OTOG: variants seen among roughly 807,000 people sequenced by gnomAD.
OTOG encodes the protein otogelin.
In OTOG, 296 loss-of-function variants were observed where a neutral mutation model predicts 313.8. That is an observed-to-expected ratio of 0.94 (90% CI 0.86 to 1.04). OTOG has a LOEUF of 1.04. OTOG is among the 50% of genes least tolerant of loss of function. OTOG has a pLI of 0.00. For missense variants in OTOG, 3,948 were observed against 3,840.1 expected (o/e 1.03, Z -0.74); for synonymous variants, 1,533 against 1,554.9 (o/e 0.99, Z 0.33).
intron 12 of OTOG, 78 bp downstream of exon 12, chr11:17,559,740 A>G: frequency 9.0e-7 from 1 of 1,106,028 alleles, no homozygotes; most frequent in Non-Finnish European, 1.2e-6. Flanking sequence ...GGAGTTCAGA[A>G]GATACCTGTT....
chr11:17,631,390 G>GTGT lies in OTOG; in HGVS notation c.6713-312_6713-311insTGT, dbSNP rs72182478. Among the ~76,000 whole-genome samples the GTGT allele has an allele frequency of 0.029, 3,054 of 106,514 alleles. 138 individuals are homozygous for GTGT. The highest frequency in any genetic ancestry group is 0.11 in the African/African-American group (2,863 of 26,336). The allele number at this position is 106,514 out of a possible 152,430, so 69.9% of individuals were successfully genotyped here. On this transcript the variant is annotated intron_variant, in intron 40 of 55. Coordinates refer to ENST00000399397, the MANE Select transcript of OTOG (RefSeq NM_001292063.2). ...TCTCTCTCTCTCTCTGTGTGTGTGT[G>GTGT]GGGGGGGGTATACATTTTTATATGC...
intron 11 of OTOG, 22 bp from the exon 12 acceptor site, chr11:17,559,512 C>T: frequency 6.4e-7 from 1 of 1,550,490 alleles, no homozygotes; most frequent in Non-Finnish European, 8.7e-7. Context: ...AGCTGAGAGA[C>T]CATGGATCCC....
At chr11:17,548,755 T>C (rs1851868041) in intron 3 of OTOG, among the ~76,000 whole-genome samples, 1 of 152,106 alleles carries the variant, frequency 6.6e-6, no homozygotes, top group Non-Finnish European at 1.5e-5. Context: ...TCTTGCTCTG[T>C]GACACAGGCT....
At chr11:17,616,986 G>A (rs1052374370) in intron 39 of OTOG, among the ~76,000 whole-genome samples, 1 of 152,178 alleles carries the variant, frequency 6.6e-6, no homozygotes, top group South Asian at 2.1e-4. Flanking sequence ...TTAGTTGTAG[G>A]CTTTTCACAG....
At position 17,561,627 on chromosome 11, in the gene OTOG, C is replaced by A. The variant is rs1201266755; in HGVS notation, c.1499-35C>A. 2.6e-6 allele frequency: 4 copies of A among 1,549,978 alleles called. No individual in the cohort carries two copies. The Admixed American group carries it at 7.8e-5, about 30-fold the overall frequency. ...GCAGGGCAGAGTTCCCCTGGGGCGG[C>A]TCCCATGGGTCAGTGGCCTTTTTCT... is the stretch of plus-strand genomic sequence containing the variant. On this transcript the variant is annotated intron_variant, in intron 14 of 55. Coordinates refer to ENST00000399397, the MANE Select transcript of OTOG (RefSeq NM_001292063.2).
rs1369045393 is a variant in OTOG at position 17,641,950 on chromosome 11, T to C, written c.8294T>C (p.Leu2765Ser). The C allele has an allele frequency of 3.9e-6, 6 of 1,549,816 alleles. No homozygotes were observed. Among genetic ancestry groups the C allele is most frequent in the Non-Finnish European group, 5.2e-6 (6 of 1,146,632 alleles). ...CCCAATGGCACCACCTCCCTGTTCT[T>C]GGTAAGCAGCCCCCTCGCTGCCCAC... Reference protein sequence around the residue: ...TFPNGTTSLFLPGASWIADCA... With the variant: ...TFPNGTTSLFSPGASWIADCA... The change falls in exon 52 of 56, where the codon TTG (leucine) becomes TCG (serine). Residue 2765 changes from leucine to serine, a missense_variant and splice_region_variant. Leu to Ser is a moderately radical substitution (Grantham distance 145, BLOSUM62 -2). Coordinates refer to ENST00000399397, the MANE Select transcript of OTOG (RefSeq NM_001292063.2).
intron 17 of OTOG, among the ~76,000 whole-genome samples, chr11:17,571,841 C>T (rs1263616537): frequency 6.6e-6 from 1 of 152,024 alleles, no homozygotes; most frequent in Non-Finnish European, 1.5e-5. Context: ...GTGTGGACCA[C>T]TTTGGCTATA....
chr11:17,586,246 A>G (rs1394901007), intron 23 of OTOG, among the ~76,000 whole-genome samples: 2 of 152,204 alleles, frequency 1.3e-5, no homozygotes, highest in Non-Finnish European at 2.9e-5. Context: ...TTCTTGATGG[A>G]TGACAGAGAC....
At chr11:17,569,362 T>C in intron 16 of OTOG, 74 bp downstream of exon 16, 1 of 1,527,746 alleles carries the variant, frequency 6.5e-7, no homozygotes. Flanking sequence ...ATCCTCTGGC[T>C]AAAAGCACTG....
Position 17,611,317 on chromosome 11 carries a change from C to T in OTOG, c.6017C>T (p.Ala2006Val). The T allele has an allele frequency of 2.6e-6, 4 of 1,550,594 alleles. No individual in the cohort carries two copies. The highest frequency in any genetic ancestry group is 2.6e-6 in the Non-Finnish European group (3 of 1,146,998). ...PHLAAEPVDE[A>V]TTEPSGRSAP... is the part of the protein sequence containing the mutation. ...CTGGCAGCAGAGCCGGTGGACGAGGCCACCACAGAACCATCTGGGCGCTCA... is the reference window on the plus strand; with the variant it reads ...CTGGCAGCAGAGCCGGTGGACGAGGTCACCACAGAACCATCTGGGCGCTCA... The change falls in exon 36 of 56, where the codon GCC becomes GTC. Residue 2006 changes from alanine (A) to valine (V), a missense_variant. Physicochemically the swap from Ala to Val is moderately conservative, Grantham distance 64. Transcript: ENST00000399397.
chr11:17,634,324 A>C lies in OTOG; in HGVS notation c.7480+43A>C. ...CTTCCTTGGACGTCAACTGTAAAAC[A>C]GTTAAAAGGTTCCAGCCCTGCACAC... On this transcript the variant is annotated intron_variant, in intron 44 of 55. Transcript: ENST00000399397. 3 of 1,535,052 alleles carry C rather than the reference A, an allele frequency of 2.0e-6. No homozygotes were observed. In the South Asian group the frequency reaches 3.6e-5, roughly 18 times the overall value.
intron 39 of OTOG, among the ~76,000 whole-genome samples, chr11:17,623,173 G>A (rs989029633): frequency 6.6e-6 from 1 of 151,898 alleles, no homozygotes; most frequent in Non-Finnish European, 1.5e-5. Flanking sequence ...TAAGTTCAGG[G>A]GTACATGTGC....
At chr11:17,589,858 C>A (rs919032808) in intron 24 of OTOG, among the ~76,000 whole-genome samples, 1 of 152,188 alleles carries the variant, frequency 6.6e-6, no homozygotes, top group African/African-American at 2.4e-5. Flanking sequence ...CTTCCTAGAC[C>A]TGTGGGCAGC....
chr11:17,609,097 A>C, intron 34 of OTOG, 33 bp from the exon 35 acceptor site: 1 of 1,510,290 alleles, frequency 6.6e-7, no homozygotes, highest in Non-Finnish European at 9.0e-7. Flanking sequence ...CCTGTATTTC[A>C]GGCCTTTAAA....
chr11:17,613,196 TTTC>T (rs1262772073), intron 38 of OTOG, among the ~76,000 whole-genome samples: 1 of 6,374 alleles, frequency 1.6e-4, no homozygotes, highest in East Asian at 4.0e-3. Flanking sequence ...CTTTCTTTCT[TTTC>T]TTTCTTTCTT....
At chr11:17,614,610 C>T (rs947033186) in intron 39 of OTOG, among the ~76,000 whole-genome samples, 1 of 152,168 alleles carries the variant, frequency 6.6e-6, no homozygotes, top group African/African-American at 2.4e-5. Context: ...CCTCCCCCCT[C>T]CTGCTGACAA....
chr11:17,645,430 G>A (rs1210459829), intron 54 of OTOG, 134 bp from the exon 55 acceptor site: 1 of 774,458 alleles, frequency 1.3e-6, no homozygotes, highest in Non-Finnish European at 2.1e-6. Context: ...GATGGGGAGG[G>A]GCACTAATGC....
chr11:17,565,843 G>A (rs1038613060), intron 15 of OTOG, among the ~76,000 whole-genome samples: 13 of 152,126 alleles, frequency 8.5e-5, no homozygotes, highest in Non-Finnish European at 1.6e-4. Context: ...GCTTGAGTGT[G>A]TGTGTGTGCT....
At chr11:17,580,992 G>A (rs1486602294) in intron 23 of OTOG, among the ~76,000 whole-genome samples, 1 of 152,196 alleles carries the variant, frequency 6.6e-6, no homozygotes, top group Non-Finnish European at 1.5e-5. Flanking sequence ...AGAGAGAAGA[G>A]TGGAAGATCA....
Sources: gnomAD v4.1 joint callset for allele counts (sites outside exome capture counted in the v4.1 genomes callset) on GRCh38, gnomAD v4.1.1 for gene constraint, MANE v1.5 for transcripts, NCBI Gene and HGNC (gene_info 2026-07-23, HGNC 2026-07-21) for gene names.